Variants in NHEJ1 observed in about 807,000 individuals in gnomAD.
The protein encoded by NHEJ1 is non-homologous end-joining factor 1.
In NHEJ1, 22 loss-of-function variants were observed where a neutral mutation model predicts 39.4. That is an observed-to-expected ratio of 0.56 (90% CI 0.40 to 0.80). The LOEUF is 0.80. Among genes scored for constraint, NHEJ1 ranks in the 30% least tolerant of loss-of-function variants. The probability of loss-of-function intolerance (pLI) is 0.00; values close to 1 mark genes in which losing one functional copy is unlikely to be tolerated. For missense variants in NHEJ1, 329 were observed against 357.1 expected (o/e 0.92, Z 0.63); for synonymous variants, 154 against 135.6 (o/e 1.14, Z -0.94).
chr2:219,149,582 C>T (rs1450384213), intron 3 of NHEJ1, among the ~76,000 whole-genome samples: 2 of 152,172 alleles, frequency 1.3e-5, no homozygotes, highest in African/African-American at 4.8e-5. Context: ...TGCCATTACA[C>T]TCCAGCCTGG....
At chr2:219,086,997 G>C (rs1445831666) in intron 5 of NHEJ1, among the ~76,000 whole-genome samples, 1 of 152,028 alleles carries the variant, frequency 6.6e-6, no homozygotes, top group Non-Finnish European at 1.5e-5. Context: ...GAGGGGCTCG[G>C]GGAACGCAAG....
At chr2:219,142,990 T>C (rs1949705784) in intron 5 of NHEJ1, among the ~76,000 whole-genome samples, 1 of 152,174 alleles carries the variant, frequency 6.6e-6, no homozygotes, top group Non-Finnish European at 1.5e-5. Flanking sequence ...AATTCTTATT[T>C]TCCCGAGCCT....
intron 3 of NHEJ1, among the ~76,000 whole-genome samples, chr2:219,150,677 C>T (rs896423990): frequency 1.3e-5 from 2 of 151,948 alleles, no homozygotes; most frequent in Non-Finnish European, 2.9e-5. Context: ...AAAAATTGGC[C>T]GGACGCAGTG....
At chr2:219,159,517 ATATATATG>A (rs777404729) in intron 1 of NHEJ1, among the ~76,000 whole-genome samples, 2 of 45,858 alleles carry the variant, frequency 4.4e-5, no homozygotes, top group African/African-American at 7.4e-5. Flanking sequence ...ATAACTTTAT[ATATATATG>A]CATATATATA....
At chr2:219,081,638 T>C (rs1160362084) in intron 5 of NHEJ1, among the ~76,000 whole-genome samples, 1 of 152,120 alleles carries the variant, frequency 6.6e-6, no homozygotes, top group Non-Finnish European at 1.5e-5. Context: ...TAACTCAGAG[T>C]TCCTACTTCA....
In NHEJ1 at chr2:219,143,099, C is replaced by T. The variant is rs552511983; in HGVS notation, c.588+3581G>A. On this transcript the variant is annotated intron_variant, in intron 5 of 7. Coordinates refer to ENST00000356853, the MANE Select transcript of NHEJ1 (RefSeq NM_024782.3). The stretch of plus-strand genomic sequence containing the variant: ...CCCAATGAGAATTTTAAAAACTGAC[C>T]CCAGGCAATGACCGCATGGCCCTCT... 2.0e-5 allele frequency among the ~76,000 whole-genome samples: 3 copies of T among 152,248 alleles called. No homozygotes were observed. In the East Asian group the frequency reaches 5.8e-4, roughly 29 times the overall value.
At chr2:219,095,286 A>G (rs1242219408) in intron 5 of NHEJ1, 2 of 470,466 alleles carry the variant, frequency 4.3e-6, no homozygotes, top group Non-Finnish European at 8.8e-6. Context: ...TGATAAAAAG[A>G]GACCGATGCA....
At chr2:219,135,236 T>G (rs1949616093) in intron 5 of NHEJ1, among the ~76,000 whole-genome samples, 3 of 152,142 alleles carry the variant, frequency 2.0e-5, no homozygotes. Flanking sequence ...GACTCAACTG[T>G]GTAAATCTTC....
At chr2:219,136,492 T>G (rs2106354450) in intron 5 of NHEJ1, among the ~76,000 whole-genome samples, 1 of 152,272 alleles carries the variant, frequency 6.6e-6, no homozygotes, top group Admixed American at 6.5e-5. Context: ...TTTCGCCATG[T>G]TAGCCAGGCT....
intron 5 of NHEJ1, among the ~76,000 whole-genome samples, chr2:219,118,761 G>C (rs530405039): frequency 7.9e-5 from 12 of 152,240 alleles, no homozygotes; most frequent in Non-Finnish European, 1.8e-4. Context: ...GAGGCCCAAG[G>C]AACAAGCTGA....
Position 219,145,221 on chromosome 2 carries a change from A to C in NHEJ1, c.588+1459T>G. ...CAGAGCAAGTGAGGCTTCGTTTCAA[A>C]AACAACAACAACAACAACAACAACA... On this transcript the variant is annotated intron_variant, in intron 5 of 7. Coordinates refer to ENST00000356853, the MANE Select transcript of NHEJ1 (RefSeq NM_024782.3). 1.3e-5 allele frequency among the ~76,000 whole-genome samples: 2 copies of C among 151,464 alleles called. 1 individual carries two copies.
intron 5 of NHEJ1, among the ~76,000 whole-genome samples, chr2:219,087,276 A>G (rs888429516): frequency 6.6e-6 from 1 of 152,192 alleles, no homozygotes; most frequent in African/African-American, 2.4e-5. Flanking sequence ...AAAGCATCAG[A>G]TTTAATAACA....
At chr2:219,115,162 G>GAAGAAA (rs1286798101) in intron 5 of NHEJ1, among the ~76,000 whole-genome samples, 1 of 151,196 alleles carries the variant, frequency 6.6e-6, no homozygotes, top group Non-Finnish European at 1.5e-5. Context: ...AAAAGAAGAA[G>GAAGAAA]AAGAAGAAGA....
At chr2:219,100,691 G>T (rs1012837697) in intron 5 of NHEJ1, among the ~76,000 whole-genome samples, 2 of 151,278 alleles carry the variant, frequency 1.3e-5, no homozygotes, top group African/African-American at 2.4e-5. Context: ...CGCTGGAAGA[G>T]AATTAGAATG....
intron 5 of NHEJ1, among the ~76,000 whole-genome samples, chr2:219,082,046 C>T (rs1409682756): frequency 1.3e-5 from 2 of 152,244 alleles, no homozygotes; most frequent in Non-Finnish European, 2.9e-5. Flanking sequence ...CCAAAGCTTC[C>T]TTGGCTCCAA....
intron 5 of NHEJ1, among the ~76,000 whole-genome samples, chr2:219,094,102 A>G (rs958290177): frequency 6.6e-6 from 1 of 152,228 alleles, no homozygotes; most frequent in African/African-American, 2.4e-5. Context: ...GTTATCGGCC[A>G]CCAGTTTAAC....
chr2:219,133,694 T>C (rs925819887), intron 5 of NHEJ1, among the ~76,000 whole-genome samples: 1 of 152,224 alleles, frequency 6.6e-6, no homozygotes, highest in African/African-American at 2.4e-5. Flanking sequence ...CTGACTCTCT[T>C]TTTAAGTCAG....
At chr2:219,139,508 A>C (rs1422710386) in intron 5 of NHEJ1, among the ~76,000 whole-genome samples, 6 of 152,186 alleles carry the variant, frequency 3.9e-5, no homozygotes, top group African/African-American at 1.4e-4. Context: ...GAAAGCTTGG[A>C]TATGAATTAT....
chr2:219,135,495 G>C (rs1949618822), intron 5 of NHEJ1, among the ~76,000 whole-genome samples: 1 of 152,138 alleles, frequency 6.6e-6, no homozygotes, highest in African/African-American at 2.4e-5. Flanking sequence ...TGTAATCTTA[G>C]TAATTCAGGA....
Sources: allele counts gnomAD v4.1 joint callset (sites outside exome capture counted in the v4.1 genomes callset), GRCh38; gene constraint gnomAD v4.1.1; transcripts MANE v1.5; gene names NCBI Gene and HGNC (gene_info 2026-07-23, HGNC 2026-07-21).